The following SLC8A1 variants were observed in gnomAD, a reference collection of about 807,000 sequenced individuals.
SLC8A1 encodes sodium/calcium exchanger 1.
Under a neutral mutation model 68.3 loss-of-function variants are expected in SLC8A1, and 18 were observed. That is an observed-to-expected ratio of 0.26 (90% CI 0.18 to 0.39). The LOEUF (loss-of-function observed/expected upper bound fraction) is 0.39. SLC8A1 is among the 10% of genes least tolerant of loss of function. The pLI, the probability that SLC8A1 is intolerant of heterozygous loss-of-function variation, is 1.00. For missense variants in SLC8A1, 985 were observed against 1,156.7 expected (o/e 0.85, Z 2.15); for synonymous variants, 475 against 415.5 (o/e 1.14, Z -1.74).
chr2:40,356,588 T>C (rs968775804), intron 2 of SLC8A1, among the ~76,000 whole-genome samples: 1 of 144,756 alleles, frequency 6.9e-6, no homozygotes, highest in Non-Finnish European at 1.5e-5. Flanking sequence ...AAATCACGTA[T>C]GGTCCAAGAT....
chr2:40,315,208 T>C (rs1458304729), intron 2 of SLC8A1, among the ~76,000 whole-genome samples: 2 of 151,958 alleles, frequency 1.3e-5, no homozygotes, highest in African/African-American at 2.4e-5. Context: ...GGGACAGATG[T>C]TGGGTTTAGT....
chr2:40,176,894 G>A (rs947274713), intron 3 of SLC8A1, among the ~76,000 whole-genome samples: 5 of 151,992 alleles, frequency 3.3e-5, no homozygotes, highest in South Asian at 2.1e-4. Context: ...CACCATTAGA[G>A]GATAATTATA....
In SLC8A1 at chr2:40,236,253, C is replaced by T. The variant is rs1305822875; in HGVS notation, c.1809-58398G>A. ...GGAGTCTAAGTCTCTTTGAAGGTCA[C>T]TCAGGACTTGCTTTATGAATCTGGG... On this transcript the variant is annotated intron_variant, in intron 2 of 7. Coordinates refer to ENST00000406785, the Ensembl canonical transcript of SLC8A1. Among the ~76,000 whole-genome samples, 99 of 151,312 alleles carry T rather than the reference C, an allele frequency of 6.5e-4. 1 individual carries two copies. The highest frequency in any genetic ancestry group is 2.4e-3 in the African/African-American group (97 of 41,272).
At chr2:40,386,331 GTA>G (rs1263441605) in intron 2 of SLC8A1, among the ~76,000 whole-genome samples, 7 of 150,980 alleles carry the variant, frequency 4.6e-5, no homozygotes, top group Admixed American at 2.0e-4. Context: ...ATGTGTGTGT[GTA>G]TATAACAGAG....
intron 2 of SLC8A1, among the ~76,000 whole-genome samples, chr2:40,187,834 GAGA>G (rs2050979148): frequency 1.3e-5 from 2 of 152,188 alleles, no homozygotes; most frequent in Non-Finnish European, 2.9e-5. Flanking sequence ...GTAGGTTTCA[GAGA>G]AGATCAGGTG....
Position 40,327,366 on chromosome 2 carries a change from T to A in SLC8A1, c.1808+101107A>T, listed in dbSNP as rs569877304. ...TTTGTGCATATGACATTTTAACATTTCACATTATTCCCCTAGAATAAAGTC... is the reference window on the plus strand; with the variant it reads ...TTTGTGCATATGACATTTTAACATTACACATTATTCCCCTAGAATAAAGTC... On this transcript the variant is annotated intron_variant, in intron 2 of 7. Transcript: ENST00000406785. 2.6e-5 allele frequency among the ~76,000 whole-genome samples: 4 copies of A among 152,340 alleles called. No homozygotes were observed. The South Asian group carries it at 8.3e-4, about 32-fold the overall frequency.
intron 2 of SLC8A1, among the ~76,000 whole-genome samples, chr2:40,337,715 T>C (rs1055041967): frequency 6.6e-6 from 1 of 152,320 alleles, no homozygotes; most frequent in South Asian, 2.1e-4. Flanking sequence ...CTTATGTCCC[T>C]AGGAAAATGC....
At chr2:40,372,409 T>A (rs1678394794) in intron 2 of SLC8A1, among the ~76,000 whole-genome samples, 1 of 152,092 alleles carries the variant, frequency 6.6e-6, no homozygotes, top group South Asian at 2.1e-4. Flanking sequence ...ACACTTTCCT[T>A]TTTAAGTGGA....
intron 2 of SLC8A1, among the ~76,000 whole-genome samples, chr2:40,293,282 T>C (rs921583969): frequency 4.6e-5 from 7 of 152,160 alleles, no homozygotes; most frequent in East Asian, 3.8e-4. Context: ...GCAGGGAACA[T>C]GGATGCTAAC....
exon 2 of SLC8A1, chr2:40,429,792 T>G: frequency 6.2e-7 from 1 of 1,613,792 alleles, no homozygotes; most frequent in Non-Finnish European, 8.5e-7. Flanking sequence ...CGAGGTCTCC[T>G]GCAGTGAAGT....
chr2:40,183,087 G>T (rs2049942943), intron 2 of SLC8A1, among the ~76,000 whole-genome samples: 1 of 152,132 alleles, frequency 6.6e-6, no homozygotes, highest in Non-Finnish European at 1.5e-5. Context: ...TTAATTCACA[G>T]ATCTTCATAA....
At chr2:40,443,456 T>G (rs1226458808) in intron 1 of SLC8A1, among the ~76,000 whole-genome samples, 5 of 152,216 alleles carry the variant, frequency 3.3e-5, no homozygotes, top group Non-Finnish European at 7.4e-5. Context: ...AATTGTAAGG[T>G]CTTAGGTGGA....
Position 40,310,023 on chromosome 2 carries a change from A to G in SLC8A1, c.1808+118450T>C, listed in dbSNP as rs2073390504. 2.0e-5 allele frequency among the ~76,000 whole-genome samples: 3 copies of G among 152,106 alleles called. No individual in the cohort carries two copies. In the South Asian group the frequency reaches 6.2e-4, roughly 32 times the overall value. On this transcript the variant is annotated intron_variant, in intron 2 of 7. Transcript: ENST00000406785. ...CCTGGCAATCACTAGCCTACTTTTT[A>G]TTTCTGATTATTTCATATAAATGGA...
chr2:40,351,810 TG>T, intron 2 of SLC8A1, among the ~76,000 whole-genome samples: 1 of 152,264 alleles, frequency 6.6e-6, no homozygotes, highest in East Asian at 1.9e-4. Flanking sequence ...ATGGTAGGAA[TG>T]AAAGATTCAA....
chr2:40,439,515 C>A (rs765852054), intron 1 of SLC8A1, among the ~76,000 whole-genome samples: 24 of 152,114 alleles, frequency 1.6e-4, no homozygotes, highest in Admixed American at 6.6e-5. Context: ...CCTCTTGGAA[C>A]TGGGGATGTT....
In SLC8A1 at chr2:40,178,493, G is replaced by C. The variant is rs773981392; in HGVS notation, c.1809-638C>G. On this transcript the variant is annotated intron_variant, in intron 2 of 7. Coordinates refer to ENST00000406785, the Ensembl canonical transcript of SLC8A1. The stretch of plus-strand genomic sequence containing the variant: ...CAATTACCTTGACTGATATTGTTTT[G>C]CTGAAACAGAGAATAGAAATTGACG... 5 of 1,608,756 alleles carry C rather than the reference G, an allele frequency of 3.1e-6. No individual in the cohort carries two copies. The African/African-American group carries it at 6.7e-5, about 22-fold the overall frequency.
chr2:40,246,915 G>C (rs1001009539), intron 2 of SLC8A1, among the ~76,000 whole-genome samples: 3 of 150,312 alleles, frequency 2.0e-5, no homozygotes, highest in African/African-American at 7.4e-5. Context: ...GCCTGGCAAA[G>C]TTTGTACTCT....
intron 2 of SLC8A1, among the ~76,000 whole-genome samples, chr2:40,411,862 C>G (rs188599614): frequency 6.6e-6 from 1 of 151,950 alleles, no homozygotes; most frequent in Non-Finnish European, 1.5e-5. Context: ...TATTGGGTAT[C>G]CTGTTTTTAT....
chr2:40,479,068 G>C (rs1055514807), intron 1 of SLC8A1, among the ~76,000 whole-genome samples: 1 of 152,028 alleles, frequency 6.6e-6, no homozygotes, highest in Non-Finnish European at 1.5e-5. Flanking sequence ...CACCACGCCC[G>C]GCCTCAACCA....
Sources: allele counts gnomAD v4.1 joint callset (sites outside exome capture counted in the v4.1 genomes callset), GRCh38; gene constraint gnomAD v4.1.1; transcripts MANE v1.5; gene names NCBI Gene and HGNC (gene_info 2026-07-23, HGNC 2026-07-21).